MUC4: variants seen among roughly 807,000 people sequenced by gnomAD.
MUC4 encodes mucin-4.
Under a neutral mutation model 257.9 loss-of-function variants are expected in MUC4, and 202 were observed. That is an observed-to-expected ratio of 0.78 (90% confidence interval 0.70 to 0.88). MUC4 has a LOEUF of 0.88. Among genes scored for constraint, MUC4 ranks in the 40% least tolerant of loss-of-function variants. The pLI, the probability that MUC4 is intolerant of heterozygous loss-of-function variation, is 0.00. For missense variants in MUC4, 5,976 were observed against 6,513.7 expected (o/e 0.92, Z 2.84); for synonymous variants, 2,351 against 2,757.1 (o/e 0.85, Z 4.62).
rs1160126189 is a variant in MUC4, at chr3:195,770,089, G to A, written c.13398+127C>T. On this transcript the variant is annotated intron_variant, in intron 6 of 24. Coordinates refer to ENST00000463781, the MANE Select transcript of MUC4 (RefSeq NM_018406.7). ...GGTGGCAGTGGGGGGGTGGCGGTGG[G>A]GGGGCTTGCTATAATTAGCAATCTT... The A allele has an allele frequency of 5.9e-6, 6 of 1,011,924 alleles. No homozygotes were observed. In the South Asian group the frequency reaches 9.8e-5, roughly 17 times the overall value. 62.7% of individuals were successfully genotyped at this position (1,011,924 alleles called of 1,614,324 possible). A position where few individuals can be genotyped will look rare whatever the true frequency, so the allele number is the denominator to read the frequency against.
rs769913822 is a variant in MUC4 at position 195,765,319 on chromosome 3, A to G, written c.13749T>C (p.Cys4583=). ...AGTCCCGTCGTCCCTGCTGCCAGGA[A>G]CAAGGGCAGGAGACCTGGTTCCAGC... is the stretch of plus-strand genomic sequence containing the variant. The part of the protein sequence containing the change: ...SWGWNQVSCP[C]SWQQGRRDLR... The change falls in exon 9 of 25, where the codon TGT becomes TGC. Residue 4583 remains cysteine, a synonymous_variant. Coordinates refer to ENST00000463781, the MANE Select transcript of MUC4 (RefSeq NM_018406.7). 1 of 1,613,834 alleles carries G rather than the reference A, an allele frequency of 6.2e-7. No homozygotes were observed. Among genetic ancestry groups the G allele is most frequent in the East Asian group, 2.2e-5 (1 of 44,872 alleles).
chr3:195,770,400 CCAA>C (rs1560271792), intron 5 of MUC4, 29 bp from the exon 6 acceptor site: 1 of 1,612,252 alleles, frequency 6.2e-7, no homozygotes, highest in Non-Finnish European at 8.5e-7. Flanking sequence ...TGAAAACAAG[CCAA>C]CGAGGGTCCC....
chr3:195,776,924 G>C (rs1553866122), intron 3 of MUC4, among the ~76,000 whole-genome samples: 1 of 1,474 alleles, frequency 6.8e-4, no homozygotes, highest in African/African-American at 1.6e-3. Flanking sequence ...ACCTTCCACA[G>C]TCATACCTTC....
intron 17 of MUC4, among the ~76,000 whole-genome samples, chr3:195,758,341 C>A (rs555551472): frequency 6.6e-6 from 1 of 152,076 alleles, no homozygotes; most frequent in Non-Finnish European, 1.5e-5. Flanking sequence ...AGGAGAGACA[C>A]GGCTAGGTAA....
At position 195,757,255 on chromosome 3, in the gene MUC4, C is replaced by T; in HGVS notation, c.15060G>A (p.Lys5020=). ...GCTGGAGTGCAGATGCCAAGCCAAT[C>T]TTGGCACTTCTTGCTAGAATCTCCA... is the stretch of plus-strand genomic sequence containing the variant. The part of the protein sequence containing the change: ...FTLEILARSA[K]IGLASALQPR... The change falls in exon 18 of 25, where the codon AAG becomes AAA. Residue 5020 remains lysine, a synonymous_variant. Coordinates refer to ENST00000463781, the MANE Select transcript of MUC4 (RefSeq NM_018406.7). The surrounding 1 kb of genome is among the most constrained non-coding windows in gnomAD (Gnocchi z 4.8). 1 of 1,613,566 alleles carries T rather than the reference C, an allele frequency of 6.2e-7. No homozygotes were observed. Among genetic ancestry groups the T allele is most frequent in the East Asian group, 2.2e-5 (1 of 44,862 alleles).
chr3:195,757,991 C>T lies in MUC4; in HGVS notation c.14987-663G>A, dbSNP rs147180765. ...TGCCATTGTCTCGCACCTGGGAGGA[C>T]GCACATGGGGCAAAAGGGATGCAGG... On this transcript the variant is annotated intron_variant, in intron 17 of 24. Transcript: ENST00000463781. The surrounding 1 kb of genome is among the most constrained non-coding windows in gnomAD (Gnocchi z 4.8). Among the ~76,000 whole-genome samples the T allele has an allele frequency of 4.1e-4, 62 of 152,242 alleles. No homozygotes were observed. The highest frequency in any genetic ancestry group is 7.1e-4 in the Non-Finnish European group (48 of 68,022).
At position 195,747,311 on chromosome 3, in the gene MUC4, C is replaced by G. The variant is rs1414585770; in HGVS notation, c.16104G>C (p.Ala5368=). 1 of 1,614,150 alleles carries G rather than the reference C, an allele frequency of 6.2e-7. No individual in the cohort carries two copies. Among genetic ancestry groups the G allele is most frequent in the South Asian group, 1.1e-5 (1 of 91,084 alleles). ...HCEHLSMKLD[A]FFGIFFGALG... is the part of the protein sequence containing the mutation. ...GGGCCCCAAAGAAGATGCCGAAGAA[C>G]GCGTCGAGTTTCATGCTCAGGTGCT... The change falls in exon 25 of 25, where the codon GCG becomes GCC. Residue 5368 remains alanine (A), a synonymous_variant. Coordinates refer to ENST00000463781, the MANE Select transcript of MUC4 (RefSeq NM_018406.7).
intron 3 of MUC4, among the ~76,000 whole-genome samples, chr3:195,774,800 T>A (rs1343850036): frequency 2.0e-5 from 3 of 149,734 alleles, no homozygotes; most frequent in Non-Finnish European, 4.4e-5. Flanking sequence ...CTCGGGAGGC[T>A]GAGGCAGGAG....
At chr3:195,771,630 T>C (rs1395696475) in intron 5 of MUC4, 22 bp downstream of exon 5, 1 of 1,605,294 alleles carries the variant, frequency 6.2e-7, no homozygotes, top group Non-Finnish European at 8.5e-7. Context: ...GGATCCTGAC[T>C]GCCAGGCTTT....
At chr3:195,774,347 G>C in intron 3 of MUC4, 42 bp from the exon 4 acceptor site, 1 of 1,485,766 alleles carries the variant, frequency 6.7e-7, no homozygotes. Flanking sequence ...AAGTGGGCCT[G>C]GGCCTTCTTT....
intron 1 of MUC4, among the ~76,000 whole-genome samples, chr3:195,811,510 CT>C (rs1256383979): frequency 6.6e-6 from 1 of 152,090 alleles, no homozygotes; most frequent in African/African-American, 2.4e-5. Flanking sequence ...TCTTCCTCTT[CT>C]TTCCCTCTCT....
rs111722563 is a variant in MUC4 at position 195,753,019 on chromosome 3, C to G, written c.15508+32G>C. 5 of 1,588,872 alleles carry G rather than the reference C, an allele frequency of 3.1e-6. No individual in the cohort carries two copies. The Admixed American group carries it at 6.9e-5, about 22-fold the overall frequency. ...GAGAGGGTGGGGCCCAGGAAGAGTG[C>G]GGGGGTGAGAGGGCGGGGTCTCTGG... On this transcript the variant is annotated intron_variant, in intron 20 of 24. Transcript: ENST00000463781.
rs150688351 is a variant in MUC4 at position 195,773,260 on chromosome 3, G to A, written c.13077+912C>T. ...CAGGTGTAGATACCCTCTCTCCATC[G>A]CTCAGGGGTGCAGACACCCCATCTC... On this transcript the variant is annotated intron_variant, in intron 4 of 24. Coordinates refer to ENST00000463781, the MANE Select transcript of MUC4 (RefSeq NM_018406.7). Among the ~76,000 whole-genome samples, 455 of 133,052 alleles carry A rather than the reference G, an allele frequency of 3.4e-3. 4 individuals carry two copies. The highest frequency in any genetic ancestry group is 0.013 in the African/African-American group (428 of 33,948). The allele number at this position is 133,052 out of a possible 152,430, so 87.3% of individuals were successfully genotyped here. A position where few individuals can be genotyped will look rare whatever the true frequency, so the allele number is the denominator to read the frequency against.
chr3:195,769,051 T>G lies in MUC4; in HGVS notation c.13500A>C (p.Ser4500=), dbSNP rs561410470. 8 of 1,613,910 alleles carry G rather than the reference T, an allele frequency of 5.0e-6. No individual in the cohort carries two copies. In the South Asian group the frequency reaches 8.8e-5, roughly 18 times the overall value. ...GGMQWDVAQR[S]GNPVLMGFSS... ...AGAAGCCCATGAGCACCGGGTTGCCTGAGCGCTGGGCCACGTCCCACTGCA... is the reference window on the plus strand; with the variant it reads ...AGAAGCCCATGAGCACCGGGTTGCCGGAGCGCTGGGCCACGTCCCACTGCA... The change falls in exon 7 of 25, where the codon TCA becomes TCC. Residue 4500 remains serine, a synonymous_variant. Transcript: ENST00000463781.
At position 195,764,039 on chromosome 3, in the gene MUC4, G is replaced by A. The variant is rs536942745; in HGVS notation, c.14044+6C>T. The A allele has an allele frequency of 1.3e-5, 21 of 1,607,928 alleles. No homozygotes were observed. The South Asian group carries it at 1.8e-4, about 14-fold the overall frequency. On this transcript the variant is annotated splice_donor_region_variant and intron_variant, in intron 11 of 24. Coordinates refer to ENST00000463781, the MANE Select transcript of MUC4 (RefSeq NM_018406.7). ...GCTCTTCCTGGGCCTGGGCCCTGTCGCTCACCGGGCTGTGGGGGCCTGTAT... is the reference window on the plus strand; with the variant it reads ...GCTCTTCCTGGGCCTGGGCCCTGTCACTCACCGGGCTGTGGGGGCCTGTAT...
chr3:195,747,212 G>A lies in MUC4; in HGVS notation c.16203C>T (p.Phe5401=). Residue 5401 remains phenylalanine, a synonymous_variant, in exon 25 of 25, where the codon TTC becomes TTT. Transcript: ENST00000463781. ...LRFWGCSGAR[F]SYFLNSAEAL... is the part of the protein sequence containing the mutation. ...CCTCAGCTGAGTTCAGGAAATAGGA[G>A]AACCTGGCCCCGGAGCAACCCCAGA... is the stretch of plus-strand genomic sequence containing the variant. The A allele has an allele frequency of 6.2e-7, 1 of 1,614,272 alleles. No individual in the cohort carries two copies. Among genetic ancestry groups the A allele is most frequent in the Non-Finnish European group, 8.5e-7 (1 of 1,180,046 alleles).
intron 7 of MUC4, among the ~76,000 whole-genome samples, chr3:195,767,624 C>CCATCACCACCACCAT (rs1721283237): frequency 1.1e-5 from 1 of 94,352 alleles, no homozygotes; most frequent in African/African-American, 4.2e-5. Flanking sequence ...ACCACCATCA[C>CCATCACCACCACCAT]CACCATCACC....
At position 195,789,579 on chromosome 3, in the gene MUC4, T is replaced by A; in HGVS notation, c.2001A>T (p.Pro667=). Residue 667 remains proline, a synonymous_variant, in exon 2 of 25, where the codon CCA becomes CCT. Transcript: ENST00000463781. ...PMTDTKTVTT[P]GSSFTASGHS... is the part of the protein sequence containing the mutation. ...GCCCACTGGCTGTGAAGGAAGAACC[T>A]GGGGTGGTGACTGTCTTGGTGTCAG... 6.2e-7 allele frequency: 1 copy of A among 1,613,674 alleles called. No homozygotes were observed. The highest frequency in any genetic ancestry group is 2.2e-5 in the East Asian group (1 of 44,864).
rs1024365650 is a variant in MUC4, at chr3:195,753,213, G to A, written c.15346C>T (p.Leu5116=). 8 of 1,613,846 alleles carry A rather than the reference G, an allele frequency of 5.0e-6. No homozygotes were observed. In the African/African-American group the frequency reaches 8.0e-5, roughly 16 times the overall value. Residue 5116 remains leucine, a synonymous_variant, in exon 20 of 25, where the codon CTG becomes TTG. Coordinates refer to ENST00000463781, the MANE Select transcript of MUC4 (RefSeq NM_018406.7). ...RHCAALGSSF[L]CQNQSCPVNY... ...ACAGGGCAGGACTGGTTCTGACACAGGAAAGAGCTCCCCAGAGCTGCAGAG... is the reference window on the plus strand; with the variant it reads ...ACAGGGCAGGACTGGTTCTGACACAAGAAAGAGCTCCCCAGAGCTGCAGAG...
Sources: gnomAD v4.1 joint callset for allele counts (sites outside exome capture counted in the v4.1 genomes callset) on GRCh38, gnomAD v4.1.1 for gene constraint, Gnocchi (gnomAD v3.1) non-coding constraint, MANE v1.5 for transcripts, NCBI Gene and HGNC (gene_info 2026-07-23, HGNC 2026-07-21) for gene names.